DLG2: variants seen among roughly 807,000 people sequenced by gnomAD.
DLG2 encodes discs large MAGUK scaffold protein 2, also known as disks large homolog 2.
In DLG2, 45 loss-of-function variants were observed where a neutral mutation model predicts 132.5. The ratio of observed to expected loss-of-function variants is 0.34; its 90% CI spans 0.27 to 0.44. The LOEUF is 0.44. Among genes scored for constraint, DLG2 ranks in the 20% least tolerant of loss-of-function variants. The probability of loss-of-function intolerance (pLI) is 1.00; values close to 1 mark genes in which losing one functional copy is unlikely to be tolerated. For missense variants in DLG2, 1,045 were observed against 1,196.9 expected, an observed-to-expected ratio of 0.87 and a Z score of 1.87; for synonymous variants, 424 against 419.6, an observed-to-expected ratio of 1.01 and a Z score of -0.13.
chr11:84,028,785 C>A (rs1001484883), intron 11 of DLG2, among the ~76,000 whole-genome samples: 1 of 152,050 alleles, frequency 6.6e-6, no homozygotes, highest in Non-Finnish European at 1.5e-5. Flanking sequence ...TCCTTTTCTC[C>A]CAGGTAGCAA....
intron 3 of DLG2, among the ~76,000 whole-genome samples, chr11:85,421,992 T>G (rs2090351207): frequency 6.6e-6 from 1 of 152,182 alleles, no homozygotes; most frequent in African/African-American, 2.4e-5. Context: ...ATTGTTTTAT[T>G]TGAGGAGGAT....
At chr11:85,404,109 T>C (rs543644564) in intron 3 of DLG2, among the ~76,000 whole-genome samples, 41 of 152,092 alleles carry the variant, frequency 2.7e-4, no homozygotes, top group Admixed American at 5.2e-4. Context: ...CTGGAGACCC[T>C]AACCTTGAAT....
At chr11:83,717,773 A>G (rs1294565903) in intron 18 of DLG2, among the ~76,000 whole-genome samples, 1 of 152,198 alleles carries the variant, frequency 6.6e-6, no homozygotes, top group Non-Finnish European at 1.5e-5. Context: ...GTGACGTGGC[A>G]GTGTGGTAGG....
At chr11:84,209,015 G>C (rs2096715324) in intron 8 of DLG2, among the ~76,000 whole-genome samples, 1 of 152,080 alleles carries the variant, frequency 6.6e-6, no homozygotes, top group Non-Finnish European at 1.5e-5. Context: ...AAAAATTATA[G>C]ATATATGTGT....
chr11:83,630,694 G>A lies in DLG2; in HGVS notation c.1940+2517C>T, dbSNP rs75924131. On this transcript the variant is annotated intron_variant, in intron 19 of 27. Coordinates refer to ENST00000376104, the MANE Select transcript of DLG2 (RefSeq NM_001142699.3). ...CATAAACTAGGCCCTTAGGGAGGCAGAGTGATGTGGGGAGAAGTATGGGAC... is the reference window on the plus strand; with the variant it reads ...CATAAACTAGGCCCTTAGGGAGGCAAAGTGATGTGGGGAGAAGTATGGGAC... Among the ~76,000 whole-genome samples the A allele has an allele frequency of 5.9e-3, 896 of 152,270 alleles. 15 individuals carry two copies. The highest frequency in any genetic ancestry group is 0.02 in the African/African-American group (843 of 41,550).
At chr11:84,880,410 A>T (rs529943671) in intron 6 of DLG2, among the ~76,000 whole-genome samples, 1 of 152,252 alleles carries the variant, frequency 6.6e-6, no homozygotes, top group African/African-American at 2.4e-5. Context: ...CAGTCACCAT[A>T]CACCTAGCAA....
rs536954230 is a variant in DLG2, at chr11:85,590,621, AT to A, written c.40+8035del. ...CTTATTCCTAAAATAATCTTTTAGA[AT>A]TTTTTTTATATTCTCTCTCTCTCTC... On this transcript the variant is annotated intron_variant, in intron 3 of 27. Coordinates refer to ENST00000376104, the MANE Select transcript of DLG2 (RefSeq NM_001142699.3). Among the ~76,000 whole-genome samples, 227 of 151,550 alleles carry A rather than the reference AT, an allele frequency of 1.5e-3. 2 individuals carry two copies. The highest frequency in any genetic ancestry group is 5.2e-3 in the African/African-American group (214 of 41,380).
At chr11:84,354,906 C>T (rs1303514203) in intron 7 of DLG2, among the ~76,000 whole-genome samples, 5 of 152,170 alleles carry the variant, frequency 3.3e-5, no homozygotes, top group South Asian at 4.1e-4. Context: ...AGTTTCCCAA[C>T]ATCAGAGGGT....
At chr11:85,424,616 G>A (rs2090572787) in intron 3 of DLG2, among the ~76,000 whole-genome samples, 2 of 152,166 alleles carry the variant, frequency 1.3e-5, no homozygotes, top group Admixed American at 1.3e-4. Context: ...GATCCCAGGG[G>A]TTAGGCATTA....
intron 6 of DLG2, among the ~76,000 whole-genome samples, chr11:84,737,090 G>C (rs572653943): frequency 6.6e-6 from 1 of 151,718 alleles, no homozygotes; most frequent in Non-Finnish European, 1.5e-5. Context: ...TTTTTAGTTA[G>C]GAATAGATAT....
intron 6 of DLG2, among the ~76,000 whole-genome samples, chr11:84,772,889 G>A (rs1448230784): frequency 6.6e-6 from 1 of 151,316 alleles, no homozygotes; most frequent in East Asian, 1.9e-4. Flanking sequence ...AGAAAAACTA[G>A]AAAAATGAGA....
chr11:85,332,736 G>A (rs1321464039), intron 3 of DLG2, among the ~76,000 whole-genome samples: 2 of 151,868 alleles, frequency 1.3e-5, no homozygotes, highest in East Asian at 3.9e-4. Context: ...TGTTATTATT[G>A]TCGACCCTCT....
chr11:83,885,079 G>A (rs1267293197), intron 15 of DLG2, among the ~76,000 whole-genome samples: 3 of 152,176 alleles, frequency 2.0e-5, no homozygotes, highest in Non-Finnish European at 2.9e-5. Context: ...CACCAGCAAC[G>A]GAACAAAGCT....
chr11:85,017,082 T>A (rs1159370644), intron 6 of DLG2, among the ~76,000 whole-genome samples: 1 of 152,166 alleles, frequency 6.6e-6, no homozygotes, highest in Admixed American at 6.5e-5. Context: ...GCTACAGATA[T>A]CTTATGGTCC....
At chr11:83,613,032 C>T (rs147396708) in intron 19 of DLG2, among the ~76,000 whole-genome samples, 120 of 152,340 alleles carry the variant, frequency 7.9e-4, no homozygotes, top group Non-Finnish European at 1.5e-3. Flanking sequence ...CAGAACATCC[C>T]TCCCACCAGG....
chr11:84,083,598 T>C (rs1378577688), intron 10 of DLG2, among the ~76,000 whole-genome samples: 2 of 152,176 alleles, frequency 1.3e-5, no homozygotes, highest in Admixed American at 6.5e-5. Context: ...GTTAGTTATT[T>C]AGAGAGAAGG....
intron 7 of DLG2, among the ~76,000 whole-genome samples, chr11:84,334,791 C>T (rs138805690): frequency 1.3e-5 from 2 of 151,930 alleles, no homozygotes; most frequent in East Asian, 1.9e-4. Context: ...ACTTTGATAG[C>T]ATGAATAAAA....
intron 3 of DLG2, among the ~76,000 whole-genome samples, chr11:85,521,231 A>G (rs1036332828): frequency 2.0e-5 from 3 of 152,178 alleles, no homozygotes; most frequent in African/African-American, 7.2e-5. Context: ...TGATTCCCCC[A>G]TGCTGTTCTT....
intron 9 of DLG2, among the ~76,000 whole-genome samples, chr11:84,147,566 G>C (rs961560555): frequency 6.6e-6 from 1 of 152,112 alleles, no homozygotes; most frequent in Non-Finnish European, 1.5e-5. Flanking sequence ...GTTCTCATGA[G>C]TTAATAAAGA....
Sources: gnomAD v4.1 joint callset for allele counts (sites outside exome capture counted in the v4.1 genomes callset) on GRCh38, gnomAD v4.1.1 for gene constraint, MANE v1.5 for transcripts, NCBI Gene and HGNC (gene_info 2026-07-23, HGNC 2026-07-21) for gene names.